SAMD12: variants seen among roughly 807,000 people sequenced by gnomAD.
SAMD12 encodes sterile alpha motif domain-containing protein 12.
A neutral mutation model predicts 15.0 loss-of-function variants in SAMD12; 9 were observed. The observed-to-expected ratio is 0.60, with a 90% CI of 0.36 to 1.05. The LOEUF (loss-of-function observed/expected upper bound fraction) is 1.05. Ranked by LOEUF, SAMD12 falls within the 50% of genes least tolerant of loss-of-function variation. SAMD12 has a pLI of 0.01. For missense variants in SAMD12, 230 were observed against 234.2 expected (o/e 0.98, Z 0.12); for synonymous variants, 86 against 90.1 (o/e 0.96, Z 0.25).
At chr8:118,616,023 CAA>C (rs1828230744) in intron 1 of SAMD12, among the ~76,000 whole-genome samples, 3 of 152,228 alleles carry the variant, frequency 2.0e-5, no homozygotes, top group South Asian at 2.1e-4. Context: ...CTTCCTAAAA[CAA>C]AGTGATCAAT....
chr8:118,527,454 T>C (rs1367607913), intron 2 of SAMD12, among the ~76,000 whole-genome samples: 1 of 152,236 alleles, frequency 6.6e-6, no homozygotes, highest in African/African-American at 2.4e-5. Context: ...TCTAGTACTT[T>C]GTTTCATCAG....
At chr8:118,242,026 C>T (rs541563746) in intron 4 of SAMD12, among the ~76,000 whole-genome samples, 3 of 152,258 alleles carry the variant, frequency 2.0e-5, no homozygotes, top group South Asian at 2.1e-4. Flanking sequence ...TATCCTCCCA[C>T]CTCAGCCTCC....
At chr8:118,440,061 C>T (rs1822694077) in intron 2 of SAMD12, 100 bp from the exon 3 acceptor site, 1 of 1,166,456 alleles carries the variant, frequency 8.6e-7, no homozygotes. Context: ...AGACTGGATT[C>T]CCTGAAGATA....
intron 1 of SAMD12, among the ~76,000 whole-genome samples, chr8:118,590,944 C>G (rs1827572422): frequency 6.6e-6 from 1 of 152,000 alleles, no homozygotes; most frequent in South Asian, 2.1e-4. Context: ...AAATATAAGA[C>G]ATGAAGAATA....
intron 4 of SAMD12, among the ~76,000 whole-genome samples, chr8:118,234,296 A>G (rs2129936324): frequency 6.6e-6 from 1 of 152,070 alleles, no homozygotes; most frequent in Middle Eastern, 3.4e-3. Flanking sequence ...GGCATTGTCT[A>G]TTTCCTAACT....
chr8:118,608,488 A>T (rs559168828), intron 1 of SAMD12, among the ~76,000 whole-genome samples: 1 of 152,024 alleles, frequency 6.6e-6, no homozygotes, highest in Non-Finnish European at 1.5e-5. Flanking sequence ...TGTACGTAGA[A>T]GGATAGAAGG....
intron 2 of SAMD12, among the ~76,000 whole-genome samples, chr8:118,564,377 T>G (rs746994657): frequency 2.6e-5 from 4 of 152,170 alleles, no homozygotes; most frequent in Non-Finnish European, 4.4e-5. Context: ...AGTGGCTAAT[T>G]GCTGTCACTT....
intron 2 of SAMD12, among the ~76,000 whole-genome samples, chr8:118,536,033 C>T (rs922441125): frequency 3.9e-5 from 6 of 152,208 alleles, no homozygotes; most frequent in African/African-American, 9.6e-5. Context: ...CTGTCTTCTG[C>T]GTCGCTCACG....
intron 4 of SAMD12, among the ~76,000 whole-genome samples, chr8:118,357,011 G>A (rs1157177581): frequency 1.3e-5 from 2 of 152,160 alleles, no homozygotes; most frequent in African/African-American, 4.8e-5. Context: ...TGGACTATCT[G>A]ACCTCCTTGG....
intron 4 of SAMD12, among the ~76,000 whole-genome samples, chr8:118,281,630 T>C (rs58457489): frequency 0.014 from 2,077 of 152,282 alleles, 55 homozygotes; most frequent in South Asian, 0.051. Context: ...TTAAATTGCA[T>C]GATAAATCCA....
chr8:118,341,398 T>G (rs1334739195), intron 4 of SAMD12, among the ~76,000 whole-genome samples: 3 of 152,202 alleles, frequency 2.0e-5, no homozygotes, highest in Admixed American at 6.5e-5. Flanking sequence ...TGTTAAATAA[T>G]TTACAAACAT....
At chr8:118,574,325 A>G (rs1044762183) in intron 2 of SAMD12, among the ~76,000 whole-genome samples, 1 of 152,234 alleles carries the variant, frequency 6.6e-6, no homozygotes, top group Non-Finnish European at 1.5e-5. Flanking sequence ...TCCACTAGAC[A>G]AATACTATTA....
chr8:118,450,916 A>G (rs2130914732), intron 2 of SAMD12, among the ~76,000 whole-genome samples: 1 of 152,294 alleles, frequency 6.6e-6, no homozygotes, highest in South Asian at 2.1e-4. Flanking sequence ...AAGCCTGACC[A>G]AATTAGCTTC....
At chr8:118,298,433 A>C (rs140142365) in intron 4 of SAMD12, among the ~76,000 whole-genome samples, 1 of 152,288 alleles carries the variant, frequency 6.6e-6, no homozygotes, top group East Asian at 1.9e-4. Context: ...ATTTTTTTTA[A>C]AAAGATGTGA....
chr8:118,268,337 C>G (rs1256247990), intron 4 of SAMD12, among the ~76,000 whole-genome samples: 1 of 152,196 alleles, frequency 6.6e-6, no homozygotes, highest in Admixed American at 6.5e-5. Flanking sequence ...TCAGCACTGA[C>G]TATTTAAATG....
chr8:118,311,583 G>A (rs894582986), intron 4 of SAMD12, among the ~76,000 whole-genome samples: 6 of 152,212 alleles, frequency 3.9e-5, no homozygotes, highest in African/African-American at 7.2e-5. Context: ...AGCAGGTCTA[G>A]GTGATTGAAA....
chr8:118,608,139 A>G (rs1390926395), intron 1 of SAMD12, among the ~76,000 whole-genome samples: 1 of 151,876 alleles, frequency 6.6e-6, no homozygotes, highest in African/African-American at 2.4e-5. Context: ...ATAAATTTGC[A>G]TCAAGAGTAG....
intron 2 of SAMD12, among the ~76,000 whole-genome samples, chr8:118,510,040 C>T (rs1825031102): frequency 6.6e-6 from 1 of 152,160 alleles, no homozygotes; most frequent in Non-Finnish European, 1.5e-5. Context: ...TAGAGTAGTT[C>T]AGACTCACAT....
intron 2 of SAMD12, among the ~76,000 whole-genome samples, chr8:118,579,593 A>G (rs1827233378): frequency 6.6e-6 from 1 of 152,214 alleles, no homozygotes; most frequent in Non-Finnish European, 1.5e-5. Flanking sequence ...CTGTACATAA[A>G]GCAAAAAATT....
Sources: allele counts gnomAD v4.1 joint callset (sites outside exome capture counted in the v4.1 genomes callset), GRCh38; gene constraint gnomAD v4.1.1; transcripts MANE v1.5; gene names NCBI Gene and HGNC (gene_info 2026-07-23, HGNC 2026-07-21).